Variants in PRDM12 observed in about 807,000 individuals in gnomAD.
The protein encoded by PRDM12 is PR/SET domain 12.
PRDM12 carries 17 observed loss-of-function variants against 29.6 expected under a neutral mutation model. That is an observed-to-expected ratio of 0.57 (90% CI 0.39 to 0.86). The LOEUF is 0.86. Among genes scored for constraint, PRDM12 ranks in the 40% least tolerant of loss-of-function variants. PRDM12 has a pLI of 0.00. For synonymous variants in PRDM12, 231 were observed against 225.8 expected (o/e 1.02, Z -0.21); for missense variants, 422 against 510.8 (o/e 0.83, Z 1.68).
Position 130,668,106 on chromosome 9 carries a change from G to A in PRDM12, c.415-52G>A, listed in dbSNP as rs1830750130. The A allele has an allele frequency of 6.3e-7, 1 of 1,597,664 alleles. No individual in the cohort carries two copies. The highest frequency in any genetic ancestry group is 1.1e-5 in the South Asian group (1 of 90,258). ...TGTGTGTGGATGTGCCTGGAAGATG[G>A]TACACATGGCATAGCCCTGCCTTAC... On this transcript the variant is annotated intron_variant, in intron 2 of 4. Coordinates refer to ENST00000253008, the MANE Select transcript of PRDM12 (RefSeq NM_021619.3). This position sits in a 1 kb window ranked among gnomAD's most constrained non-coding sequence, Gnocchi z 4.0.
In PRDM12 at chr9:130,664,843, A is replaced by G. The variant is rs1255579610; in HGVS notation, c.190A>G (p.Thr64Ala). Residue 64 changes from threonine to alanine, a missense_variant, in exon 1 of 5, where the codon ACC becomes GCC. By Grantham distance (58) the Thr-to-Ala change is moderately conservative. Around this residue, in one of 5 missense-constraint regions of PRDM12, gnomAD observed 300 missense variants for 350.0 expected, o/e 0.86. Transcript: ENST00000253008. The surrounding 1 kb of genome is among the most constrained non-coding windows in gnomAD (Gnocchi z 6.4). ...CCACGCCAGCCCCAAGACAGCCTTC[A>G]CCGCCGAGGTGCTGGCGCAGTCCTT... Reference protein sequence around the residue: ...SHHASPKTAFTAEVLAQSFSG... With the variant: ...SHHASPKTAFAAEVLAQSFSG... The G allele has an allele frequency of 2.6e-6, 4 of 1,549,070 alleles. No homozygotes were observed. The highest frequency in any genetic ancestry group is 1.4e-5 in the African/African-American group (1 of 73,054).
At chr9:130,678,328 G>A (rs1001193993) in intron 3 of PRDM12, among the ~76,000 whole-genome samples, 4 of 151,898 alleles carry the variant, frequency 2.6e-5, no homozygotes, top group Non-Finnish European at 4.4e-5. Context: ...GCAGGGAGAG[G>A]GGGGCAGAGG....
chr9:130,666,900 A>G (rs1830739124), intron 2 of PRDM12, 102 bp downstream of exon 2: 1 of 1,437,208 alleles, frequency 7.0e-7, no homozygotes, highest in Non-Finnish European at 9.3e-7. Flanking sequence ...CCGGGCTGAG[A>G]GCGGCGGACA....
In PRDM12 at chr9:130,666,902, C is replaced by G. The variant is rs1830739144; in HGVS notation, c.414+104C>G. 6 of 1,426,104 alleles carry G rather than the reference C, an allele frequency of 4.2e-6. No homozygotes were observed. The South Asian group carries it at 4.2e-5, about 10-fold the overall frequency. 88.3% of individuals were successfully genotyped at this position (1,426,104 alleles called of 1,614,324 possible). On this transcript the variant is annotated intron_variant, in intron 2 of 4. Coordinates refer to ENST00000253008, the MANE Select transcript of PRDM12 (RefSeq NM_021619.3). ...TCGCCGCTTCCACCCGGGCTGAGAG[C>G]GGCGGACACTCCTGGCCTGGACGCC...
At chr9:130,680,659 A>ATATATTTTTTTTTTTTT in intron 4 of PRDM12, among the ~76,000 whole-genome samples, 7 of 72,172 alleles carry the variant, frequency 9.7e-5, no homozygotes, top group African/African-American at 7.8e-5. Flanking sequence ...ATATATATAT[A>ATATATTTTTTTTTTTTT]TTTTTTTTTT....
At chr9:130,671,463 A>G (rs1468710907) in intron 3 of PRDM12, among the ~76,000 whole-genome samples, 1 of 151,756 alleles carries the variant, frequency 6.6e-6, no homozygotes, top group South Asian at 2.1e-4. Flanking sequence ...TTTGGCTATC[A>G]GTGCTTTTAC....
At position 130,664,792 on chromosome 9, in the gene PRDM12, G is replaced by A; in HGVS notation, c.139G>A (p.Glu47Lys). 6.3e-7 allele frequency: 1 copy of A among 1,596,522 alleles called. No homozygotes were observed. Among genetic ancestry groups the A allele is most frequent in the South Asian group, 1.1e-5 (1 of 88,820 alleles). The change falls in exon 1 of 5, where the codon GAG (glutamate) becomes AAG (lysine). Residue 47 changes from glutamate to lysine, a missense_variant. Transcript: ENST00000253008. The surrounding 1 kb of genome is among the most constrained non-coding windows in gnomAD (Gnocchi z 6.4). ...CGGCCGCTGGCGCAACGTGCTCGGGGAGCAGCTCTTCGAGGACAAGAGCCA... is the reference window on the plus strand; with the variant it reads ...CGGCCGCTGGCGCAACGTGCTCGGGAAGCAGCTCTTCGAGGACAAGAGCCA... ...LYGRWRNVLG[E>K]QLFEDKSHHA...
chr9:130,671,964 C>A (rs62581333), intron 3 of PRDM12, among the ~76,000 whole-genome samples: 3,036 of 152,316 alleles, frequency 0.02, 34 homozygotes, highest in Middle Eastern at 0.037. Flanking sequence ...AGAATAGCAG[C>A]CTTCTCAACA....
At position 130,680,634 on chromosome 9, in the gene PRDM12, A is replaced by AAT. The variant is rs1181007721; in HGVS notation, c.683-589_683-588dup. On this transcript the variant is annotated intron_variant, in intron 4 of 4. Coordinates refer to ENST00000253008, the MANE Select transcript of PRDM12 (RefSeq NM_021619.3). ...AGGGAGACTCCGTCTAAAAAAAAAA[A>AAT]ATATATATATATATATATATATATA... Among the ~76,000 whole-genome samples, 147 of 88,480 alleles carry AAT rather than the reference A, an allele frequency of 1.7e-3. 5 individuals carry two copies. Among genetic ancestry groups the AAT allele is most frequent in the South Asian group, 5.7e-3 (14 of 2,470 alleles). The allele number at this position is 88,480 out of a possible 152,430, so 58.0% of individuals were successfully genotyped here.
intron 3 of PRDM12, among the ~76,000 whole-genome samples, chr9:130,675,334 T>C (rs1249952459): frequency 2.6e-5 from 4 of 152,218 alleles, no homozygotes; most frequent in Non-Finnish European, 5.9e-5. Context: ...ACATCTGTGC[T>C]GGAGGAGTTG....
At chr9:130,665,843 C>T (rs963977388) in intron 1 of PRDM12, among the ~76,000 whole-genome samples, 2 of 152,202 alleles carry the variant, frequency 1.3e-5, no homozygotes, top group African/African-American at 4.8e-5. Context: ...ATGGAGGCCG[C>T]CCTTGTGCGC....
chr9:130,665,295 C>A (rs1053403990), intron 1 of PRDM12, among the ~76,000 whole-genome samples: 2 of 140,156 alleles, frequency 1.4e-5, no homozygotes, highest in African/African-American at 5.3e-5. Context: ...CTTTAAAAGG[C>A]AGCCGGGGCT....
chr9:130,678,699 G>C, intron 4 of PRDM12, 59 bp downstream of exon 4: 1 of 1,392,246 alleles, frequency 7.2e-7, no homozygotes, highest in Non-Finnish European at 1.0e-6. Context: ...AGCCCAGGGA[G>C]GGGAGAGAGA....
intron 3 of PRDM12, among the ~76,000 whole-genome samples, chr9:130,675,609 G>A (rs1192059413): frequency 1.3e-5 from 2 of 152,210 alleles, no homozygotes; most frequent in South Asian, 2.1e-4. Context: ...GCGCTTCCAT[G>A]TCTCGATTAT....
In PRDM12 at chr9:130,668,193, C is replaced by T. The variant is rs772511432; in HGVS notation, c.450C>T (p.Ile150=). 57 of 1,614,016 alleles carry T rather than the reference C, an allele frequency of 3.5e-5. No homozygotes were observed. The highest frequency in any genetic ancestry group is 1.6e-4 in the Middle Eastern group (1 of 6,084). ...AGGATGGCACGGTGCGCTACTTCATCGATGCCAGCCAGGAGGACCACCGGA... is the reference window on the plus strand; with the variant it reads ...AGGATGGCACGGTGCGCTACTTCATTGATGCCAGCCAGGAGGACCACCGGA... The part of the protein sequence containing the change: ...FNEDGTVRYF[I]DASQEDHRSW... The change falls in exon 3 of 5, where the codon ATC becomes ATT. Residue 150 remains isoleucine, a synonymous_variant. Transcript: ENST00000253008. The surrounding 1 kb of genome is among the most constrained non-coding windows in gnomAD (Gnocchi z 4.0).
At position 130,681,720 on chromosome 9, in the gene PRDM12, C is replaced by A; in HGVS notation, c.*51C>A. ...CGCGCGCTCCTGGGTCCCCGGCACC[C>A]CGGCCCCGCAGCGCGACTCGCCCTC... is the stretch of plus-strand genomic sequence containing the variant. On this transcript the variant is annotated 3_prime_UTR_variant, in exon 5 of 5. Coordinates refer to ENST00000253008, the MANE Select transcript of PRDM12 (RefSeq NM_021619.3). The surrounding 1 kb of genome is among the most constrained non-coding windows in gnomAD (Gnocchi z 8.1). The A allele has an allele frequency of 1.0e-6, 1 of 979,932 alleles. No individual in the cohort carries two copies. The highest frequency in any genetic ancestry group is 1.2e-6 in the Non-Finnish European group (1 of 826,434). 60.7% of individuals were successfully genotyped at this position (979,932 alleles called of 1,614,324 possible).
At chr9:130,672,181 T>C (rs1830794971) in intron 3 of PRDM12, among the ~76,000 whole-genome samples, 1 of 152,126 alleles carries the variant, frequency 6.6e-6, no homozygotes, top group Admixed American at 6.5e-5. Context: ...GTTGAAGGAA[T>C]AAAAGGGTCT....
chr9:130,681,141 C>A lies in PRDM12; in HGVS notation c.683-107C>A. The A allele has an allele frequency of 8.4e-7, 1 of 1,197,314 alleles. No homozygotes were observed. The highest frequency in any genetic ancestry group is 1.1e-6 in the Non-Finnish European group (1 of 920,476). The allele number at this position is 1,197,314 out of a possible 1,614,324, so 74.2% of individuals were successfully genotyped here. On this transcript the variant is annotated intron_variant, in intron 4 of 4. Transcript: ENST00000253008. The surrounding 1 kb of genome is among the most constrained non-coding windows in gnomAD (Gnocchi z 8.1). The stretch of plus-strand genomic sequence containing the variant: ...CCCACCCTCAAGGACGGACCGGCCC[C>A]GGGCTGGGGGCGCTGAGGGCCCGGG...
chr9:130,664,772 G>A lies in PRDM12; in HGVS notation c.119G>A (p.Arg40His), dbSNP rs1295879765. Residue 40 changes from arginine (R) to histidine (H), a missense_variant, in exon 1 of 5, where the codon CGC (arginine) becomes CAC (histidine). By Grantham distance (29) the Arg-to-His change is conservative. This residue lies in a region of PRDM12 where 300 missense variants were observed against 350.0 expected (regional missense o/e 0.86). Transcript: ENST00000253008. The surrounding 1 kb of genome is among the most constrained non-coding windows in gnomAD (Gnocchi z 6.4). ...SDILHSFLYG[R>H]WRNVLGEQLF... is the part of the protein sequence containing the mutation. ...ATCCTGCACAGCTTCCTGTACGGCC[G>A]CTGGCGCAACGTGCTCGGGGAGCAG... is the stretch of plus-strand genomic sequence containing the variant. 6.2e-7 allele frequency: 1 copy of A among 1,607,060 alleles called. No homozygotes were observed. The highest frequency in any genetic ancestry group is 1.1e-5 in the South Asian group (1 of 90,218).
Sources: allele counts gnomAD v4.1 joint callset (sites outside exome capture counted in the v4.1 genomes callset), GRCh38; gene constraint gnomAD v4.1.1; regional missense constraint gnomAD v4.1.1; non-coding constraint Gnocchi (gnomAD v3.1); transcripts MANE v1.5; gene names NCBI Gene and HGNC (gene_info 2026-07-23, HGNC 2026-07-21).